Variants in SUSD1 observed in about 807,000 individuals in gnomAD.
SUSD1 encodes the protein sushi domain containing 1.
Under a neutral mutation model 86.9 loss-of-function variants are expected in SUSD1, and 65 were observed. That is an observed-to-expected ratio of 0.75 (90% CI 0.61 to 0.92). The LOEUF is 0.92. Among genes scored for constraint, SUSD1 ranks in the 40% least tolerant of loss-of-function variants. The pLI is 0.00. For missense variants in SUSD1, 850 were observed against 929.7 expected (o/e 0.91, Z 1.11); for synonymous variants, 346 against 350.0 (o/e 0.99, Z 0.13).
Position 112,058,594 on chromosome 9 carries a change from T to C in SUSD1, c.1943A>G (p.Asp648Gly). 1 of 1,614,116 alleles carries C rather than the reference T, an allele frequency of 6.2e-7. No individual in the cohort carries two copies. The highest frequency in any genetic ancestry group is 8.5e-7 in the Non-Finnish European group (1 of 1,180,004). ...TTCTGCAGCCACGTATCCATCAGCA[T>C]CAGAGGCGTTGCTAAAGAAGGAGGA... ...GASSFFSNAS[D>G]ADGYVAAELL... The change falls in exon 14 of 17, where the codon GAT becomes GGT. Residue 648 changes from aspartate to glycine, a missense_variant. Coordinates refer to ENST00000374270, the MANE Select transcript of SUSD1 (RefSeq NM_022486.5).
chr9:112,148,992 T>G (rs895955352), intron 3 of SUSD1, among the ~76,000 whole-genome samples: 8 of 151,672 alleles, frequency 5.3e-5, no homozygotes, highest in Middle Eastern at 3.2e-3. Context: ...CCCCCCAAGA[T>G]TCAATCGTTG....
chr9:112,062,537 A>G (rs1291342850), intron 13 of SUSD1, among the ~76,000 whole-genome samples: 1 of 151,992 alleles, frequency 6.6e-6, no homozygotes, highest in Non-Finnish European at 1.5e-5. Flanking sequence ...TCAACTAAAA[A>G]TACAAAAATT....
intron 5 of SUSD1, among the ~76,000 whole-genome samples, chr9:112,139,455 T>C (rs1832462440): frequency 6.6e-6 from 1 of 152,208 alleles, no homozygotes; most frequent in Non-Finnish European, 1.5e-5. Flanking sequence ...ATTATTATTT[T>C]TTCTTTATGA....
At chr9:112,096,450 A>G (rs1376801457) in intron 10 of SUSD1, among the ~76,000 whole-genome samples, 1 of 152,234 alleles carries the variant, frequency 6.6e-6, no homozygotes, top group Non-Finnish European at 1.5e-5. Context: ...CACTCTGGCC[A>G]AGACTCAGCA....
intron 1 of SUSD1, among the ~76,000 whole-genome samples, chr9:112,164,956 A>AAAAC (rs528035181): frequency 1.1e-4 from 16 of 152,220 alleles, no homozygotes; most frequent in Admixed American, 3.9e-4. Flanking sequence ...AAAACAAAAC[A>AAAAC]AAACAAACAA....
At chr9:112,165,359 T>C (rs970057605) in intron 1 of SUSD1, among the ~76,000 whole-genome samples, 2 of 151,730 alleles carry the variant, frequency 1.3e-5, no homozygotes, top group Non-Finnish European at 2.9e-5. Flanking sequence ...TTATTAACTA[T>C]AGTAAACCTG....
intron 6 of SUSD1, among the ~76,000 whole-genome samples, chr9:112,120,814 A>T (rs1373280427): frequency 6.6e-6 from 1 of 152,208 alleles, no homozygotes; most frequent in Non-Finnish European, 1.5e-5. Flanking sequence ...TCATGCGGTG[A>T]CTAATTCTTA....
At chr9:112,057,006 T>C (rs1013623259) in intron 14 of SUSD1, among the ~76,000 whole-genome samples, 1 of 152,134 alleles carries the variant, frequency 6.6e-6, no homozygotes, top group African/African-American at 2.4e-5. Flanking sequence ...TAACCTACAA[T>C]GTGATGGTAT....
intron 8 of SUSD1, among the ~76,000 whole-genome samples, chr9:112,103,624 C>A (rs1564296858): frequency 6.6e-6 from 1 of 152,200 alleles, no homozygotes. Context: ...CTGGCTCCCA[C>A]TTCCCACGCC....
chr9:112,125,857 A>G (rs899604425), intron 5 of SUSD1, among the ~76,000 whole-genome samples: 1 of 152,204 alleles, frequency 6.6e-6, no homozygotes, highest in African/African-American at 2.4e-5. Context: ...CCCATTATGG[A>G]TGCTTGGGCT....
At chr9:112,116,081 C>G (rs1264580473) in intron 6 of SUSD1, among the ~76,000 whole-genome samples, 1 of 152,194 alleles carries the variant, frequency 6.6e-6, no homozygotes, top group Non-Finnish European at 1.5e-5. Flanking sequence ...AGGCACCAGC[C>G]CAGCCCTCAT....
chr9:112,168,742 C>T (rs1833922002), intron 1 of SUSD1, among the ~76,000 whole-genome samples: 1 of 152,090 alleles, frequency 6.6e-6, no homozygotes, highest in Non-Finnish European at 1.5e-5. Flanking sequence ...ATCACTTGCA[C>T]CCAGGAGTTC....
At chr9:112,152,941 AT>A (rs1589734133) in intron 2 of SUSD1, among the ~76,000 whole-genome samples, 1 of 151,060 alleles carries the variant, frequency 6.6e-6, no homozygotes, top group East Asian at 1.9e-4. Context: ...TGGAAAAAAA[AT>A]GTTTTTACTT....
chr9:112,129,610 C>G (rs961766061), intron 5 of SUSD1, among the ~76,000 whole-genome samples: 2 of 152,048 alleles, frequency 1.3e-5, no homozygotes, highest in African/African-American at 4.8e-5. Context: ...ATCACTCAGC[C>G]GAGTATTATC....
At position 112,153,986 on chromosome 9, in the gene SUSD1, A is replaced by T. The variant is rs141625354; in HGVS notation, c.217+3514T>A. 3.0e-3 allele frequency among the ~76,000 whole-genome samples: 464 copies of T among 152,280 alleles called. 3 individuals carry two copies. Among genetic ancestry groups the T allele is most frequent in the African/African-American group, 0.01 (433 of 41,558 alleles). On this transcript the variant is annotated intron_variant, in intron 2 of 16. Transcript: ENST00000374270. The stretch of plus-strand genomic sequence containing the variant: ...GCACAGTAGGTTTGCTTATACCAGC[A>T]TCACTACAAACACATAATGCATTGT...
intron 3 of SUSD1, among the ~76,000 whole-genome samples, chr9:112,146,431 A>G (rs1302609966): frequency 1.3e-5 from 2 of 152,218 alleles, no homozygotes; most frequent in South Asian, 2.1e-4. Context: ...ACAAAAGAGA[A>G]GGTCATTCAA....
At chr9:112,156,640 G>A (rs995866335) in intron 2 of SUSD1, among the ~76,000 whole-genome samples, 2 of 151,942 alleles carry the variant, frequency 1.3e-5, no homozygotes, top group Non-Finnish European at 2.9e-5. Flanking sequence ...CAAACTCCTG[G>A]CCTCAAGTGA....
chr9:112,069,576 C>T (rs962706990), intron 12 of SUSD1, among the ~76,000 whole-genome samples: 2 of 152,274 alleles, frequency 1.3e-5, no homozygotes, highest in Admixed American at 6.5e-5. Context: ...TCACTTGTGA[C>T]GTTTTGTTGT....
intron 13 of SUSD1, among the ~76,000 whole-genome samples, chr9:112,062,068 C>A (rs1398939044): frequency 1.3e-5 from 2 of 152,158 alleles, no homozygotes; most frequent in Non-Finnish European, 2.9e-5. Flanking sequence ...ATCCTAATGC[C>A]ATCTGGAATC....
Sources: gnomAD v4.1 joint callset for allele counts (sites outside exome capture counted in the v4.1 genomes callset) on GRCh38, gnomAD v4.1.1 for gene constraint, MANE v1.5 for transcripts, NCBI Gene and HGNC (gene_info 2026-07-23, HGNC 2026-07-21) for gene names.